Variants in SPON2 observed in about 807,000 individuals in gnomAD.
SPON2 encodes spondin-2.
SPON2 carries 32 observed loss-of-function variants against 29.9 expected under a neutral mutation model. That is an observed-to-expected ratio of 1.07 (90% CI 0.81 to 1.44). The LOEUF is 1.44. SPON2 is among the 40% of genes most tolerant of loss of function. The probability of loss-of-function intolerance (pLI) is 0.00; values close to 1 mark genes in which losing one functional copy is unlikely to be tolerated. For synonymous variants in SPON2, 248 were observed against 209.1 expected, an observed-to-expected ratio of 1.19 and a Z score of -1.61; for missense variants, 541 against 455.5, an observed-to-expected ratio of 1.19 and a Z score of -1.71.
At position 1,171,021 on chromosome 4, in the gene SPON2, ATGG is replaced by A. The variant is rs1727418663; in HGVS notation, c.611_613del (p.Thr204del). On this transcript the variant is annotated inframe_deletion, in exon 4 of 6. Transcript: ENST00000290902. Reference sequence around the variant, plus strand: ...CACCTCGGTCACCGTGTCCTGCGGGATGGTGGCGAAGTTGGGGGAGGAGAAGGT... The same window carrying A: ...CACCTCGGTCACCGTGTCCTGCGGGATGGCGAAGTTGGGGGAGGAGAAGGT... 3.2e-6 allele frequency: 5 copies of A among 1,548,770 alleles called. No homozygotes were observed. Among genetic ancestry groups the A allele is most frequent in the Non-Finnish European group, 4.4e-6 (5 of 1,145,718 alleles).
intron 1 of SPON2, among the ~76,000 whole-genome samples, chr4:1,207,576 C>T (rs1728373694): frequency 6.6e-6 from 1 of 151,526 alleles, no homozygotes; most frequent in Admixed American, 6.6e-5. Context: ...ATGCGCCGCG[C>T]TTACACATGC....
intron 1 of SPON2, among the ~76,000 whole-genome samples, chr4:1,182,346 C>T (rs951747372): frequency 2.0e-5 from 3 of 151,622 alleles, no homozygotes; most frequent in African/African-American, 7.3e-5. Flanking sequence ...TCAAGAAAGT[C>T]AACAAAAAAA....
Position 1,167,377 on chromosome 4 carries a change from C to T in SPON2, c.*95G>A, listed in dbSNP as rs1727271954. On this transcript the variant is annotated 3_prime_UTR_variant, in exon 6 of 6. Coordinates refer to ENST00000290902, the MANE Select transcript of SPON2 (RefSeq NM_012445.4). ...ACCGCGGTCAGGAGCAGCGCGAAAC[C>T]CCCTGTGCCCTCGGCCGCCTGCAGC... 2 of 1,325,912 alleles carry T rather than the reference C, an allele frequency of 1.5e-6. No homozygotes were observed. Among genetic ancestry groups the T allele is most frequent in the Non-Finnish European group, 1.0e-6 (1 of 962,682 alleles). 82.1% of individuals were successfully genotyped at this position (1,325,912 alleles called of 1,614,324 possible).
At chr4:1,197,577 G>A (rs2108676539), upstream of SPON2, among the ~76,000 whole-genome samples, 1 of 152,248 alleles carries the variant, frequency 6.6e-6, no homozygotes, top group South Asian at 2.1e-4. Context: ...GAGGGACTTT[G>A]TGCCACCCTA....
At chr4:1,167,800 CA>C in intron 5 of SPON2, 144 bp from the exon 6 acceptor site, 1 of 813,758 alleles carries the variant, frequency 1.2e-6, no homozygotes, top group Non-Finnish European at 1.8e-6. Flanking sequence ...CGCACAGTCG[CA>C]GAGTGAGCGG....
At chr4:1,189,638 CAAAAAAAAAA>C (rs61543201) in intron 1 of SPON2, among the ~76,000 whole-genome samples, 5 of 60,252 alleles carry the variant, frequency 8.3e-5, no homozygotes, top group Admixed American at 4.6e-4. Context: ...GACCCTGTCT[CAAAAAAAAAA>C]AAAAAAAAAA....
intron 5 of SPON2, 87 bp downstream of exon 5, chr4:1,170,315 C>A (rs1462699768): frequency 5.2e-6 from 7 of 1,352,992 alleles, no homozygotes; most frequent in Non-Finnish European, 7.2e-6. Flanking sequence ...CTTGGAATTT[C>A]TCAGAGCCTT....
chr4:1,205,894 C>G (rs532293516), intron 1 of SPON2, among the ~76,000 whole-genome samples: 6 of 152,260 alleles, frequency 3.9e-5, no homozygotes, highest in South Asian at 4.1e-4. Context: ...CCTCCTCGCT[C>G]GGGCCTGGGG....
At chr4:1,167,772 G>A in intron 5 of SPON2, 116 bp from the exon 6 acceptor site, 1 of 1,170,324 alleles carries the variant, frequency 8.5e-7, no homozygotes, top group Non-Finnish European at 1.2e-6. Context: ...CCACCCTTCG[G>A]GGGCACTTGC....
Position 1,171,130 on chromosome 4 carries a change from C to G in SPON2, c.505G>C (p.Asp169His). ...CGCCAACGGTCCCCGTCGCACAGGT[C>G]CAGGCTGTCCACGCCCACGAACCAG... ...PDWFVGVDSLDLCDGDRWREQ... is the reference protein window; with the variant it reads ...PDWFVGVDSLHLCDGDRWREQ... Residue 169 changes from aspartate to histidine, a missense_variant, in exon 4 of 6, where the codon GAC becomes CAC. By Grantham distance (81) the Asp-to-His change is moderately conservative. Coordinates refer to ENST00000290902, the MANE Select transcript of SPON2 (RefSeq NM_012445.4). 2 of 1,553,804 alleles carry G rather than the reference C, an allele frequency of 1.3e-6. No homozygotes were observed. Among genetic ancestry groups the G allele is most frequent in the Non-Finnish European group, 1.7e-6 (2 of 1,148,878 alleles).
At chr4:1,196,307 C>A (rs896160821), upstream of SPON2, among the ~76,000 whole-genome samples, 3 of 152,226 alleles carry the variant, frequency 2.0e-5, no homozygotes, top group South Asian at 2.1e-4. Flanking sequence ...GGTGACTGTG[C>A]CTCTCTGAGC....
At position 1,201,289 on chromosome 4, in the gene SPON2, G is replaced by A. The variant is rs777583660; in HGVS notation, c.-234+6591C>T. The A allele has an allele frequency of 2.0e-4, 77 of 377,888 alleles. 3 individuals carry two copies. Among genetic ancestry groups the A allele is most frequent in the South Asian group, 9.3e-4 (49 of 52,750 alleles). 23.4% of individuals were successfully genotyped at this position (377,888 alleles called of 1,614,324 possible). A position where few individuals can be genotyped will look rare whatever the true frequency, so the allele number is the denominator to read the frequency against. On this transcript the variant is annotated intron_variant, in intron 1 of 3. Coordinates refer to the SPON2 transcript ENST00000509233. ...CCTACCTGCCCTGAGTGTCCCGGCC[G>A]TGAGTCCCCAGCCCACTGGCTTCAG...
At chr4:1,191,001 T>C (rs1727901054) in intron 1 of SPON2, among the ~76,000 whole-genome samples, 1 of 152,096 alleles carries the variant, frequency 6.6e-6, no homozygotes, top group Admixed American at 6.5e-5. Context: ...GAAGAATTAA[T>C]ATTGTTAAGA....
intron 1 of SPON2, among the ~76,000 whole-genome samples, chr4:1,189,208 G>A (rs935344192): frequency 5.3e-5 from 8 of 151,988 alleles, no homozygotes; most frequent in African/African-American, 1.7e-4. Context: ...TACAGCTGTG[G>A]ATACTTACAC....
At position 1,167,570 on chromosome 4, in the gene SPON2, T is replaced by A. The variant is rs767033465; in HGVS notation, c.898A>T (p.Ser300Cys). The A allele has an allele frequency of 1.9e-5, 31 of 1,613,484 alleles. No homozygotes were observed. The highest frequency in any genetic ancestry group is 2.7e-5 in the African/African-American group (2 of 74,950). ...TGGACCCGGACGTAGCGAGTCCTGCTCTTGGTCCCGAGCCTCCCACAGTGG... is the reference window on the plus strand; with the variant it reads ...TGGACCCGGACGTAGCGAGTCCTGCACTTGGTCCCGAGCCTCCCACAGTGG... Reference protein sequence around the residue: ...GGHCGRLGTKSRTRYVRVQPA... With the variant: ...GGHCGRLGTKCRTRYVRVQPA... Residue 300 changes from serine (S) to cysteine (C), a missense_variant, in exon 6 of 6, where the codon AGC becomes TGC. Transcript: ENST00000290902.
intron 2 of SPON2, among the ~76,000 whole-genome samples, chr4:1,178,896 C>A (rs1056145396): frequency 6.6e-6 from 1 of 152,102 alleles, no homozygotes; most frequent in Non-Finnish European, 1.5e-5. Flanking sequence ...TGCAGGAACC[C>A]GCCACCCCAG....
Position 1,202,881 on chromosome 4 carries a change from G to A in SPON2, c.-234+4999C>T, listed in dbSNP as rs764904463. On this transcript the variant is annotated intron_variant, in intron 1 of 3. Coordinates refer to the SPON2 transcript ENST00000509233. This position sits in a 1 kb window ranked among gnomAD's most constrained non-coding sequence, Gnocchi z 5.4. The stretch of plus-strand genomic sequence containing the variant: ...CTTTGGGAGCGATGGTTGGAGCTGC[G>A]CCTGCACCTGCCTGAGCCATGGCTG... 2.6e-5 allele frequency among the ~76,000 whole-genome samples: 4 copies of A among 152,298 alleles called. No individual in the cohort carries two copies. The highest frequency in any genetic ancestry group is 1.9e-4 in the East Asian group (1 of 5,174).
At chr4:1,178,244 C>T in intron 2 of SPON2, among the ~76,000 whole-genome samples, 1 of 150,322 alleles carries the variant, frequency 6.7e-6, no homozygotes, top group African/African-American at 2.5e-5. Flanking sequence ...GAGGGCCTCC[C>T]TCCGGCCAGG....
intron 1 of SPON2, among the ~76,000 whole-genome samples, chr4:1,193,206 G>T (rs1560209674): frequency 6.6e-6 from 1 of 152,228 alleles, no homozygotes; most frequent in Admixed American, 6.5e-5. Context: ...TGATCTGGAG[G>T]ATGCTAATGG....
Sources: gnomAD v4.1 joint callset for allele counts (sites outside exome capture counted in the v4.1 genomes callset) on GRCh38, gnomAD v4.1.1 for gene constraint, Gnocchi (gnomAD v3.1) non-coding constraint, MANE v1.5 for transcripts, NCBI Gene and HGNC (gene_info 2026-07-23, HGNC 2026-07-21) for gene names.